The following PRDM2 variants were observed in gnomAD, a reference collection of about 807,000 sequenced individuals.
The protein encoded by PRDM2 is PR/SET domain 2.
PRDM2 carries 30 observed loss-of-function variants against 130.0 expected under a neutral mutation model. That is an observed-to-expected ratio of 0.23 (90% confidence interval 0.17 to 0.31). PRDM2 has a LOEUF of 0.31. Ranked by LOEUF, PRDM2 falls within the 10% of genes least tolerant of loss-of-function variation. PRDM2 has a pLI of 1.00. For synonymous variants in PRDM2, 871 were observed against 782.4 expected (o/e 1.11, Z -1.89); for missense variants, 2,011 against 2,108.4 (o/e 0.95, Z 0.90).
At chr1:13,765,819 C>G (rs1407530901) in intron 6 of PRDM2, among the ~76,000 whole-genome samples, 2 of 152,160 alleles carry the variant, frequency 1.3e-5, no homozygotes, top group Admixed American at 6.5e-5. Flanking sequence ...GATTCCTCTT[C>G]CTTACCAACA....
intron 3 of PRDM2, among the ~76,000 whole-genome samples, chr1:13,731,534 G>A (rs1018784235): frequency 6.6e-6 from 1 of 152,150 alleles, no homozygotes; most frequent in East Asian, 1.9e-4. Context: ...GCTTGTGAGT[G>A]CCTTTATTTC....
chr1:13,778,287 AT>A (rs1190718340), intron 7 of PRDM2, 130 bp from the exon 8 acceptor site: 1 of 952,604 alleles, frequency 1.0e-6, no homozygotes, highest in Admixed American at 2.5e-5. Context: ...AGTAGAAGTA[AT>A]TTATTGTTCA....
intron 8 of PRDM2, among the ~76,000 whole-genome samples, chr1:13,784,232 C>T (rs1644686949): frequency 6.6e-6 from 1 of 152,186 alleles, no homozygotes; most frequent in Non-Finnish European, 1.5e-5. Context: ...TATCAGCTGT[C>T]AAAGCTGCTT....
At chr1:13,811,123 G>A (rs1310408161) in intron 8 of PRDM2, among the ~76,000 whole-genome samples, 1 of 152,026 alleles carries the variant, frequency 6.6e-6, no homozygotes, top group East Asian at 2.0e-4. Context: ...GGTGGAGATT[G>A]CAGTGAGCCA....
intron 1 of PRDM2, among the ~76,000 whole-genome samples, chr1:13,700,869 T>TGTGTGC (rs2100366177): frequency 6.6e-6 from 1 of 152,276 alleles, no homozygotes; most frequent in East Asian, 1.9e-4. Flanking sequence ...TGTATGTGTG[T>TGTGTGC]GTGTGCGCAC....
chr1:13,763,311 ATTT>A (rs912994029), intron 6 of PRDM2, among the ~76,000 whole-genome samples: 1 of 152,194 alleles, frequency 6.6e-6, no homozygotes, highest in African/African-American at 2.4e-5. Context: ...GAAACAGATG[ATTT>A]TTTTGTTTGA....
At position 13,782,597 on chromosome 1, in the gene PRDM2, C is replaced by G; in HGVS notation, c.4802C>G (p.Ala1601Gly). Residue 1601 changes from alanine (A) to glycine (G), a missense_variant, in exon 8 of 10, where the codon GCT becomes GGT. By Grantham distance (60) the Ala-to-Gly change is moderately conservative. Transcript: ENST00000311066. ...KPKAVAKNHSAQLSSKTSRSL... is the reference protein window; with the variant it reads ...KPKAVAKNHSGQLSSKTSRSL... ...AAAGCTGTGGCCAAGAATCATTCTG[C>G]TCAGCTTTCCAGCAAAACATCACGG... The G allele has an allele frequency of 6.2e-7, 1 of 1,614,194 alleles. No homozygotes were observed. Among genetic ancestry groups the G allele is most frequent in the Non-Finnish European group, 8.5e-7 (1 of 1,180,040 alleles).
chr1:13,717,596 A>G (rs889544064), intron 2 of PRDM2, among the ~76,000 whole-genome samples: 2 of 152,176 alleles, frequency 1.3e-5, no homozygotes, highest in Non-Finnish European at 1.5e-5. Context: ...TGACACTTCA[A>G]ACTTTTGCTT....
chr1:13,797,531 C>G (rs909137723), intron 8 of PRDM2, among the ~76,000 whole-genome samples: 4 of 152,250 alleles, frequency 2.6e-5, no homozygotes, highest in Admixed American at 6.5e-5. Flanking sequence ...TGAGTGCCAG[C>G]TAACAGCAGG....
chr1:13,820,607 G>A lies in PRDM2; in HGVS notation c.*24-2552G>A, dbSNP rs2235513. 3.9e-4 allele frequency among the ~76,000 whole-genome samples: 60 copies of A among 152,298 alleles called. 4 individuals carry two copies. In the East Asian group the frequency reaches 8.3e-3, roughly 21 times the overall value. ...TGCTGCTCCTTTGGCTAAGACCAGCGGCCTCAGGGCCCTCTGTGGGCAGGA... is the reference window on the plus strand; with the variant it reads ...TGCTGCTCCTTTGGCTAAGACCAGCAGCCTCAGGGCCCTCTGTGGGCAGGA... On this transcript the variant is annotated intron_variant, in intron 9 of 9. Coordinates refer to ENST00000311066, the MANE Select transcript of PRDM2 (RefSeq NM_001393986.1).
intron 2 of PRDM2, among the ~76,000 whole-genome samples, chr1:13,728,853 C>CT (rs1294179975): frequency 6.6e-6 from 1 of 152,248 alleles, no homozygotes; most frequent in East Asian, 1.9e-4. Context: ...CATGTGATCT[C>CT]TAACTTGTAC....
At chr1:13,716,004 G>A (rs1349841283) in intron 2 of PRDM2, among the ~76,000 whole-genome samples, 1 of 152,150 alleles carries the variant, frequency 6.6e-6, no homozygotes, top group African/African-American at 2.4e-5. Context: ...GCACACGTAT[G>A]TTTATTGCGG....
At chr1:13,790,260 G>A (rs1234979376) in intron 8 of PRDM2, among the ~76,000 whole-genome samples, 1 of 151,932 alleles carries the variant, frequency 6.6e-6, no homozygotes, top group Non-Finnish European at 1.5e-5. Context: ...CTAGAGGATT[G>A]TGTGTGCTTT....
At chr1:13,793,346 G>A (rs1233298225) in intron 8 of PRDM2, among the ~76,000 whole-genome samples, 1 of 152,222 alleles carries the variant, frequency 6.6e-6, no homozygotes, top group African/African-American at 2.4e-5. Flanking sequence ...CTTAATCCGC[G>A]TCAGGTGCTC....
intron 9 of PRDM2, among the ~76,000 whole-genome samples, chr1:13,822,101 G>A (rs1018725565): frequency 3.3e-5 from 5 of 152,180 alleles, no homozygotes. Context: ...AGTGTTGACT[G>A]ATGCTGAACA....
chr1:13,815,304 G>C (rs1044732301), intron 8 of PRDM2, among the ~76,000 whole-genome samples: 4 of 151,948 alleles, frequency 2.6e-5, no homozygotes, highest in Non-Finnish European at 4.4e-5. Flanking sequence ...TAGAGACAGG[G>C]TTTCACCATG....
chr1:13,785,834 CT>C (rs537560305), intron 8 of PRDM2, among the ~76,000 whole-genome samples: 221 of 115,064 alleles, frequency 1.9e-3, no homozygotes, highest in Admixed American at 2.7e-3. Context: ...TTTTTGGGTT[CT>C]TTTTTTTTTT....
At chr1:13,798,554 TCC>T (rs1177964854) in intron 8 of PRDM2, among the ~76,000 whole-genome samples, 2 of 152,006 alleles carry the variant, frequency 1.3e-5, no homozygotes, top group African/African-American at 4.8e-5. Context: ...TAGTCTCCCC[TCC>T]CAGTCTACAC....
chr1:13,720,076 A>G (rs1183112918), intron 2 of PRDM2, among the ~76,000 whole-genome samples: 2 of 152,202 alleles, frequency 1.3e-5, no homozygotes, highest in Admixed American at 1.3e-4. Context: ...AATATTTGAA[A>G]CTAGGTGCTT....
Sources: allele counts gnomAD v4.1 joint callset (sites outside exome capture counted in the v4.1 genomes callset), GRCh38; gene constraint gnomAD v4.1.1; transcripts MANE v1.5; gene names NCBI Gene and HGNC (gene_info 2026-07-23, HGNC 2026-07-21).